The following SPOCK3 variants were observed in gnomAD, a reference collection of about 807,000 sequenced individuals.
SPOCK3 encodes the protein SPARC (osteonectin), cwcv and kazal like domains proteoglycan 3.
A neutral mutation model predicts 56.6 loss-of-function variants in SPOCK3; 30 were observed. That is an observed-to-expected ratio of 0.53 (90% CI 0.40 to 0.72). The LOEUF is 0.72. Among genes scored for constraint, SPOCK3 ranks in the 30% least tolerant of loss-of-function variants. The pLI is 0.00. For synonymous variants in SPOCK3, 196 were observed against 183.3 expected (o/e 1.07, Z -0.56); for missense variants, 527 against 530.0 (o/e 0.99, Z 0.06).
At chr4:166,858,485 AG>A (rs1730915363) in intron 6 of SPOCK3, among the ~76,000 whole-genome samples, 1 of 152,172 alleles carries the variant, frequency 6.6e-6, no homozygotes, top group Admixed American at 6.6e-5. Context: ...GTAAGTACAG[AG>A]TAAATAGGCT....
At chr4:166,953,380 A>G (rs373866716) in intron 4 of SPOCK3, among the ~76,000 whole-genome samples, 1 of 152,044 alleles carries the variant, frequency 6.6e-6, no homozygotes, top group Non-Finnish European at 1.5e-5. Context: ...CAAAACCACA[A>G]TGAGATACCA....
At chr4:167,015,744 ATT>A (rs1454138319) in intron 3 of SPOCK3, among the ~76,000 whole-genome samples, 2 of 152,152 alleles carry the variant, frequency 1.3e-5, no homozygotes, top group Non-Finnish European at 2.9e-5. Flanking sequence ...AAACCCAGAA[ATT>A]ATCCAAGTAA....
At chr4:166,997,082 T>G (rs1490213988) in intron 4 of SPOCK3, among the ~76,000 whole-genome samples, 1 of 151,964 alleles carries the variant, frequency 6.6e-6, no homozygotes, top group Non-Finnish European at 1.5e-5. Context: ...ACACCACATG[T>G]TCTCACTTAT....
At chr4:167,148,956 A>T (rs1764192840) in intron 2 of SPOCK3, among the ~76,000 whole-genome samples, 1 of 152,092 alleles carries the variant, frequency 6.6e-6, no homozygotes, top group South Asian at 2.1e-4. Flanking sequence ...TAGACTGAAT[A>T]TTTTGTTTCA....
intron 6 of SPOCK3, among the ~76,000 whole-genome samples, chr4:166,817,735 T>A (rs906227605): frequency 5.9e-5 from 9 of 151,970 alleles, no homozygotes; most frequent in Non-Finnish European, 8.8e-5. Flanking sequence ...GGTAACAACA[T>A]TTATATCAAA....
intron 2 of SPOCK3, among the ~76,000 whole-genome samples, chr4:167,068,696 T>C (rs190592693): frequency 2.0e-5 from 3 of 151,882 alleles, no homozygotes; most frequent in African/African-American, 4.8e-5. Context: ...ATCAGACTTA[T>C]GATTTTATTT....
intron 2 of SPOCK3, among the ~76,000 whole-genome samples, chr4:167,196,501 TTTTC>T (rs200153202): frequency 0.013 from 1,942 of 152,012 alleles, 31 homozygotes; most frequent in African/African-American, 0.039. Context: ...AGCTGCATTC[TTTTC>T]TTTCTTTCTT....
intron 3 of SPOCK3, chr4:167,011,257 C>T (rs1409979760): frequency 6.6e-6 from 3 of 455,696 alleles, no homozygotes; most frequent in Non-Finnish European, 1.3e-5. Flanking sequence ...GCAGTTATGG[C>T]AATATTCACA....
At chr4:167,061,000 G>A (rs376592950) in intron 3 of SPOCK3, among the ~76,000 whole-genome samples, 2 of 151,972 alleles carry the variant, frequency 1.3e-5, no homozygotes, top group South Asian at 2.1e-4. Flanking sequence ...GCTTATCCCT[G>A]TCTGATAAAC....
In SPOCK3 at chr4:166,836,950, C is replaced by CT. The variant is rs1408640625; in HGVS notation, c.590-44662dup. ...TCATTAACTGGACCTTGCTACTTGG[C>CT]TATCAATTCCCACTTGTCCATACTG... On this transcript the variant is annotated intron_variant, in intron 6 of 10. Transcript: ENST00000357545. Among the ~76,000 whole-genome samples, 3 of 152,278 alleles carry CT rather than the reference C, an allele frequency of 2.0e-5. No homozygotes were observed. The East Asian group carries it at 5.8e-4, about 29-fold the overall frequency.
intron 2 of SPOCK3, among the ~76,000 whole-genome samples, chr4:167,144,695 TGAA>T (rs1449656566): frequency 7.0e-6 from 1 of 142,388 alleles, no homozygotes; most frequent in Non-Finnish European, 1.5e-5. Context: ...GAAAGAAATG[TGAA>T]GGACAGAGCC....
In SPOCK3 at chr4:166,780,905, A is replaced by G. The variant is rs116462024; in HGVS notation, c.709+11265T>C. Among the ~76,000 whole-genome samples, 1,222 of 152,260 alleles carry G rather than the reference A, an allele frequency of 8.0e-3. 20 individuals are homozygous for G. The highest frequency in any genetic ancestry group is 0.027 in the African/African-American group (1,132 of 41,560). On this transcript the variant is annotated intron_variant, in intron 7 of 10. Coordinates refer to ENST00000357545, the MANE Select transcript of SPOCK3 (RefSeq NM_001040159.2). ...GTTGCAAAGGAAAAATCAAGAAACA[A>G]GTGGAGAAAAAGGCTGTGGCAAGCC... is the stretch of plus-strand genomic sequence containing the variant.
chr4:167,214,637 AG>A (rs1195727373), intron 2 of SPOCK3, among the ~76,000 whole-genome samples: 1 of 152,176 alleles, frequency 6.6e-6, no homozygotes, highest in East Asian at 1.9e-4. Flanking sequence ...GGAAAAATAA[AG>A]TCTATAAATT....
chr4:166,799,521 T>C (rs1376466654), intron 6 of SPOCK3, among the ~76,000 whole-genome samples: 1 of 152,174 alleles, frequency 6.6e-6, no homozygotes, highest in Non-Finnish European at 1.5e-5. Context: ...ATCCTGGACT[T>C]TGCTTGGGCA....
At chr4:167,201,111 G>A (rs941838709) in intron 2 of SPOCK3, among the ~76,000 whole-genome samples, 4 of 151,912 alleles carry the variant, frequency 2.6e-5, no homozygotes, top group African/African-American at 9.7e-5. Flanking sequence ...GAGATGGAAA[G>A]AAAAGAGAGA....
intron 2 of SPOCK3, among the ~76,000 whole-genome samples, chr4:167,150,455 G>A (rs116118617): frequency 0.015 from 2,324 of 152,062 alleles, 70 homozygotes; most frequent in African/African-American, 0.053. Context: ...GGAAAGGCGA[G>A]GTTGAAATCA....
chr4:166,971,581 T>G (rs966291067), intron 4 of SPOCK3, among the ~76,000 whole-genome samples: 2 of 152,188 alleles, frequency 1.3e-5, no homozygotes, highest in Non-Finnish European at 2.9e-5. Context: ...AAATAATTTT[T>G]CATCTTGATC....
At chr4:167,142,381 T>C (rs1763609108) in intron 2 of SPOCK3, among the ~76,000 whole-genome samples, 1 of 151,806 alleles carries the variant, frequency 6.6e-6, no homozygotes, top group Non-Finnish European at 1.5e-5. Flanking sequence ...GCTTTTATGG[T>C]AATGAAACTA....
At chr4:166,967,835 G>T (rs1425506720) in intron 4 of SPOCK3, among the ~76,000 whole-genome samples, 1 of 152,190 alleles carries the variant, frequency 6.6e-6, no homozygotes, top group Non-Finnish European at 1.5e-5. Context: ...CTCAAAAAAA[G>T]ACAGAAAGGT....
Sources: gnomAD v4.1 joint callset for allele counts (sites outside exome capture counted in the v4.1 genomes callset) on GRCh38, gnomAD v4.1.1 for gene constraint, MANE v1.5 for transcripts, NCBI Gene and HGNC (gene_info 2026-07-23, HGNC 2026-07-21) for gene names.